Variants in NUP93 observed in about 807,000 individuals in gnomAD.
NUP93 encodes nuclear pore complex protein Nup93.
Under a neutral mutation model 107.8 loss-of-function variants are expected in NUP93, and 55 were observed. That is an observed-to-expected ratio of 0.51 (90% CI 0.41 to 0.64). The LOEUF is 0.64. Ranked by LOEUF, NUP93 falls within the 30% of genes least tolerant of loss-of-function variation. The pLI is 0.00. For synonymous variants in NUP93, 390 were observed against 397.5 expected (o/e 0.98, Z 0.22); for missense variants, 937 against 1,044.7 (o/e 0.90, Z 1.42).
rs115684231 is a variant in NUP93, at chr16:56,789,510, G to A, written c.298-8966G>A. Among the ~76,000 whole-genome samples the A allele has an allele frequency of 4.3e-3, 661 of 152,270 alleles. 6 individuals are homozygous for A. The highest frequency in any genetic ancestry group is 0.014 in the African/African-American group (602 of 41,548). On this transcript the variant is annotated intron_variant, in intron 3 of 21. Transcript: ENST00000308159. ...TGCCCACACAGTGCCATGTTATATC[G>A]CCAAGGTCTGCCACCTGTGGCTCCA...
At chr16:56,747,535 G>A (rs1378582096) in intron 1 of NUP93, among the ~76,000 whole-genome samples, 5 of 151,738 alleles carry the variant, frequency 3.3e-5, no homozygotes, top group African/African-American at 9.7e-5. Flanking sequence ...TGTGAATGGA[G>A]ACCTGGACAT....
At chr16:56,787,887 A>T (rs1447669608) in intron 3 of NUP93, among the ~76,000 whole-genome samples, 5 of 152,074 alleles carry the variant, frequency 3.3e-5, no homozygotes, top group Admixed American at 6.5e-5. Context: ...CCTTAGCGTG[A>T]CTGTGATTAA....
chr16:56,839,398 A>G, intron 19 of NUP93, 123 bp from the exon 20 acceptor site: 2 of 666,510 alleles, frequency 3.0e-6, no homozygotes, highest in Admixed American at 6.7e-5. Flanking sequence ...TTGTGTGTAC[A>G]AGGAGGAATG....
intron 3 of NUP93, among the ~76,000 whole-genome samples, chr16:56,766,409 C>T (rs1386640410): frequency 6.6e-6 from 1 of 152,182 alleles, no homozygotes; most frequent in African/African-American, 2.4e-5. Flanking sequence ...CAGTGATGCC[C>T]CAGCACTCTG....
intron 3 of NUP93, among the ~76,000 whole-genome samples, chr16:56,789,001 G>A (rs889054968): frequency 8.5e-5 from 13 of 152,144 alleles, no homozygotes; most frequent in African/African-American, 3.1e-4. Flanking sequence ...TTGAAGTTGG[G>A]TTTTTGTTGC....
At chr16:56,808,799 AATAC>A (rs1479310649) in intron 5 of NUP93, among the ~76,000 whole-genome samples, 2 of 140,562 alleles carry the variant, frequency 1.4e-5, no homozygotes, top group African/African-American at 2.6e-5. Context: ...TATGTATATA[AATAC>A]ATATATAAAT....
At chr16:56,769,113 A>G (rs78087962) in intron 3 of NUP93, among the ~76,000 whole-genome samples, 4,282 of 152,226 alleles carry the variant, frequency 0.028, 80 homozygotes, top group Non-Finnish European at 0.043. Context: ...TGAGTCCAAT[A>G]CTGTGCTCTT....
At chr16:56,762,190 C>T (rs1962139487) in intron 3 of NUP93, among the ~76,000 whole-genome samples, 1 of 152,130 alleles carries the variant, frequency 6.6e-6, no homozygotes, top group Non-Finnish European at 1.5e-5. Context: ...ATATTGATGG[C>T]ATATTGCACA....
Position 56,831,989 on chromosome 16 carries a change from G to C in NUP93, c.1233G>C (p.Glu411Asp), listed in dbSNP as rs373924265. Reference sequence around the variant, plus strand: ...AGAGTGAAGTGGCGGACAAAACTGAGGATTACCTGTGGCTGAAGGTAGGCA... The same window carrying C: ...AGAGTGAAGTGGCGGACAAAACTGACGATTACCTGTGGCTGAAGGTAGGCA... Reference protein sequence around the residue: ...DNQSEVADKTEDYLWLKLNQV... With the variant: ...DNQSEVADKTDDYLWLKLNQV... The change falls in exon 11 of 22, where the codon GAG becomes GAC. Residue 411 changes from glutamate (E) to aspartate (D), a missense_variant. Coordinates refer to ENST00000308159, the MANE Select transcript of NUP93 (RefSeq NM_014669.5). 9.9e-6 allele frequency: 16 copies of C among 1,613,958 alleles called. No homozygotes were observed. The highest frequency in any genetic ancestry group is 2.7e-5 in the African/African-American group (2 of 74,900).
At chr16:56,794,224 A>G (rs2144547262) in intron 3 of NUP93, among the ~76,000 whole-genome samples, 1 of 152,324 alleles carries the variant, frequency 6.6e-6, no homozygotes, top group South Asian at 2.1e-4. Context: ...ACTTCATTTT[A>G]GAAAGGAAGA....
intron 4 of NUP93, among the ~76,000 whole-genome samples, chr16:56,803,748 AT>A (rs879702263): frequency 0.22 from 1,140 of 5,086 alleles, 18 homozygotes; most frequent in Middle Eastern, 0.5. Flanking sequence ...ACAGGGAAAA[AT>A]ATATATATAT....
At chr16:56,794,107 T>TAGAG (rs1962833862) in intron 3 of NUP93, among the ~76,000 whole-genome samples, 1 of 151,980 alleles carries the variant, frequency 6.6e-6, no homozygotes, top group Non-Finnish European at 1.5e-5. Flanking sequence ...GATAGATAGA[T>TAGAG]AGATAGATAG....
At chr16:56,758,723 TA>T (rs1244123854) in intron 3 of NUP93, 68 bp downstream of exon 3, 4 of 1,024,840 alleles carry the variant, frequency 3.9e-6, no homozygotes, top group Non-Finnish European at 6.1e-6. Context: ...GGCCCTTTAT[TA>T]ACTAGCAGAT....
chr16:56,785,215 G>C (rs892297856), intron 3 of NUP93, among the ~76,000 whole-genome samples: 2 of 152,154 alleles, frequency 1.3e-5, no homozygotes, highest in African/African-American at 4.8e-5. Flanking sequence ...GATGACATGG[G>C]GGGTATCACA....
chr16:56,825,110 G>A (rs1464154560), intron 8 of NUP93, among the ~76,000 whole-genome samples: 3 of 150,842 alleles, frequency 2.0e-5, no homozygotes, highest in Non-Finnish European at 4.4e-5. Context: ...ATGCTGGAGT[G>A]CAGTGGCATA....
intron 3 of NUP93, chr16:56,782,284 G>A: frequency 1.2e-6 from 1 of 864,044 alleles, no homozygotes. Flanking sequence ...GCAGCATGTT[G>A]TTGCAGTGCC....
At chr16:56,830,088 C>T (rs1420096214) in intron 9 of NUP93, among the ~76,000 whole-genome samples, 2 of 152,176 alleles carry the variant, frequency 1.3e-5, no homozygotes, top group Admixed American at 6.5e-5. Flanking sequence ...ATGTTTATGA[C>T]GTTTTATAAA....
intron 5 of NUP93, among the ~76,000 whole-genome samples, chr16:56,816,643 C>T (rs1338807664): frequency 6.6e-6 from 1 of 152,186 alleles, no homozygotes; most frequent in African/African-American, 2.4e-5. Context: ...CCCAAGTATA[C>T]TAGCAGGCTT....
At chr16:56,753,902 T>G (rs1961969026) in intron 2 of NUP93, among the ~76,000 whole-genome samples, 1 of 151,996 alleles carries the variant, frequency 6.6e-6, no homozygotes, top group Non-Finnish European at 1.5e-5. Flanking sequence ...GGGATGTAGA[T>G]GAAACAGGGT....
Sources: gnomAD v4.1 joint callset for allele counts (sites outside exome capture counted in the v4.1 genomes callset) on GRCh38, gnomAD v4.1.1 for gene constraint, MANE v1.5 for transcripts, NCBI Gene and HGNC (gene_info 2026-07-23, HGNC 2026-07-21) for gene names.